Variants in RPS29 observed in about 807,000 individuals in gnomAD.
RPS29 encodes the protein ribosomal protein S29.
For missense variants in RPS29, 60 were observed against 75.7 expected (o/e 0.79, Z 0.77); for synonymous variants, 37 against 26.9 (o/e 1.37, Z -1.16).
chr14:49,582,717 A>G (rs571539610), downstream of RPS29, among the ~76,000 whole-genome samples: 694 of 152,352 alleles, frequency 4.6e-3, 4 homozygotes, highest in Non-Finnish European at 7.4e-3. Context: ...CAGGAGGCAC[A>G]GGGTATACCC....
intron 2 of RPS29, 61 bp from the exon 3 acceptor site, chr14:49,583,736 CA>C (rs879218066): frequency 1.3e-4 from 133 of 1,042,302 alleles, no homozygotes; most frequent in South Asian, 1.5e-4. Context: ...TTGATTCTCA[CA>C]AAAAAAAGGC....
chr14:49,594,788 A>G (rs184547408), intron 1 of RPS29, among the ~76,000 whole-genome samples: 6 of 152,366 alleles, frequency 3.9e-5, no homozygotes, highest in Admixed American at 3.3e-4. Flanking sequence ...GACAAGGCTT[A>G]TCATTCTTTA....
intron 1 of RPS29, among the ~76,000 whole-genome samples, chr14:49,595,967 C>G (rs953770036): frequency 3.8e-5 from 5 of 132,364 alleles, no homozygotes; most frequent in African/African-American, 5.5e-5. Flanking sequence ...GAGGCGAGAT[C>G]GTGCCACTGC....
intron 1 of RPS29, 84 bp from the exon 2 acceptor site, chr14:49,586,133 C>T: frequency 1.4e-6 from 2 of 1,426,606 alleles, no homozygotes; most frequent in African/African-American, 1.4e-5. Flanking sequence ...CATCCCGGGA[C>T]TCCCAAGCCA....
At chr14:49,583,037 G>A (rs12894785), downstream of RPS29, among the ~76,000 whole-genome samples, 1 of 151,960 alleles carries the variant, frequency 6.6e-6, no homozygotes, top group Non-Finnish European at 1.5e-5. Flanking sequence ...AAGAGACAAG[G>A]TCTCAGTATG....
chr14:49,581,908 G>A (rs1881345961), downstream of RPS29, among the ~76,000 whole-genome samples: 1 of 150,392 alleles, frequency 6.6e-6, no homozygotes, highest in Non-Finnish European at 1.5e-5. Context: ...CCATGTCCCA[G>A]CTACTCAGAA....
upstream of RPS29, chr14:49,586,493 T>C (rs1319410019): frequency 1.4e-6 from 1 of 719,194 alleles, no homozygotes; most frequent in African/African-American, 1.8e-5. Context: ...GTGAGTAAAA[T>C]GAAATCTTAG....
chr14:49,582,012 C>CAAAAAAAAAAAAAAAAAA (rs58507206), downstream of RPS29, among the ~76,000 whole-genome samples: 14 of 106,502 alleles, frequency 1.3e-4, no homozygotes, highest in African/African-American at 5.9e-4. Flanking sequence ...CCCTGCCCCC[C>CAAAAAAAAAAAAAAAAAA]AAAAAAAAAA....
chr14:49,597,660 T>TTC (rs1881863588), intron 1 of RPS29: 1 of 16,352 alleles, frequency 6.1e-5, no homozygotes, highest in Non-Finnish European at 2.3e-4. Flanking sequence ...AAGTAATTTC[T>TTC]TTTTTTTTTT....
chr14:49,572,607 T>C (rs1881080820), exon 3 of RPS29: 1 of 152,190 alleles, frequency 6.6e-6, no homozygotes, highest in Non-Finnish European at 1.5e-5. Flanking sequence ...ATTAAAGTCA[T>C]TAACAAGGAA....
At chr14:49,598,688 A>G (rs1009312180), upstream of RPS29, 1 of 700,120 alleles carries the variant, frequency 1.4e-6, no homozygotes. Context: ...ATCCTCCCCG[A>G]ACAGAAACAA....
intron 1 of RPS29, among the ~76,000 whole-genome samples, chr14:49,591,872 G>A (rs76351383): frequency 1.6e-4 from 24 of 145,718 alleles, no homozygotes; most frequent in Admixed American, 7.5e-4. Context: ...CGCCTGCCTC[G>A]GCCTCCCAAA....
chr14:49,579,879 CTCTT>C (rs1225081517), downstream of RPS29, among the ~76,000 whole-genome samples: 2 of 152,132 alleles, frequency 1.3e-5, no homozygotes, highest in East Asian at 1.9e-4. Context: ...GTCGTTTTGT[CTCTT>C]TCTTTGGGAG....
downstream of RPS29, among the ~76,000 whole-genome samples, chr14:49,580,302 T>C (rs1457221217): frequency 2.6e-5 from 4 of 152,180 alleles, no homozygotes; most frequent in Non-Finnish European, 5.9e-5. Flanking sequence ...ATCCACTCTA[T>C]CTGCAATACC....
intron 2 of RPS29, chr14:49,585,583 T>TAAA (rs71441227): frequency 9.0e-4 from 257 of 286,564 alleles, no homozygotes; most frequent in Middle Eastern, 3.7e-3. Flanking sequence ...ACCCTATCTC[T>TAAA]AAAAAAAAAA....
chr14:49,581,410 ATGTCCAAAT>A (rs1358351946), downstream of RPS29, among the ~76,000 whole-genome samples: 12 of 152,234 alleles, frequency 7.9e-5, no homozygotes, highest in East Asian at 2.3e-3. Context: ...CAAAGTCAAC[ATGTCCAAAT>A]TGAACTTTCT....
At chr14:49,598,579 C>T (rs1265411472) in exon 1 of RPS29, 1 of 702,176 alleles carries the variant, frequency 1.4e-6, no homozygotes, top group Admixed American at 2.0e-5. Context: ...TTCTAAGTGC[C>T]TTTCCCTGTA....
At chr14:49,598,633 CG>C (rs1344038603) in exon 1 of RPS29, 1 of 701,128 alleles carries the variant, frequency 1.4e-6, no homozygotes, top group South Asian at 1.5e-5. Flanking sequence ...AGCGGCCCGA[CG>C]TGCGCCCGCA....
upstream of RPS29, chr14:49,586,912 A>T (rs1231165989): frequency 6.4e-6 from 1 of 155,714 alleles, no homozygotes; most frequent in Non-Finnish European, 1.4e-5. Context: ...TTGGACTCTC[A>T]AGAGATGAAT....
Sources: allele counts gnomAD v4.1 joint callset (sites outside exome capture counted in the v4.1 genomes callset), GRCh38; gene constraint gnomAD v4.1.1; transcripts MANE v1.5; gene names NCBI Gene and HGNC (gene_info 2026-07-23, HGNC 2026-07-21).